Variants in PSMG2 observed in about 807,000 individuals in gnomAD.
PSMG2 encodes the protein CD40 ligand-activated specific transcript 3.
A neutral mutation model predicts 31.5 loss-of-function variants in PSMG2; 21 were observed. The observed-to-expected ratio is 0.67, with a 90% confidence interval of 0.47 to 0.96. The LOEUF is 0.96. PSMG2 is among the 40% of genes least tolerant of loss of function. The pLI, the probability that PSMG2 is intolerant of heterozygous loss-of-function variation, is 0.00. For synonymous variants in PSMG2, 120 were observed against 110.4 expected (o/e 1.09, Z -0.54); for missense variants, 318 against 321.2 (o/e 0.99, Z 0.08).
chr18:12,682,836 G>A (rs2039399084), intron 1 of PSMG2, among the ~76,000 whole-genome samples: 1 of 151,406 alleles, frequency 6.6e-6, no homozygotes, highest in Non-Finnish European at 1.5e-5. Context: ...TGGCCAGGTT[G>A]GTCTTGAACT....
intron 1 of PSMG2, chr18:12,695,220 A>C: frequency 1.0e-6 from 1 of 962,914 alleles, no homozygotes; most frequent in Non-Finnish European, 1.5e-6. Flanking sequence ...ATGAAAACAA[A>C]CACACAAAAA....
chr18:12,721,024 C>CA (rs1400093068), intron 5 of PSMG2, among the ~76,000 whole-genome samples: 7 of 151,880 alleles, frequency 4.6e-5, no homozygotes, highest in African/African-American at 1.7e-4. Flanking sequence ...ACTAAAAATA[C>CA]AAAAAATTAG....
intron 3 of PSMG2, among the ~76,000 whole-genome samples, chr18:12,717,710 T>A (rs546165562): frequency 1.3e-5 from 2 of 152,358 alleles, no homozygotes; most frequent in Non-Finnish European, 2.9e-5. Flanking sequence ...TTACATCTTT[T>A]TAGTTGTTAT....
rs537497534 is a variant in PSMG2 at position 12,710,232 on chromosome 18, A to G, written c.230-2470A>G. ...GCTGGGATTACAGGTGTGAGCCACC[A>G]CGCCCGCCCCTTTTAAAGCATCTGT... On this transcript the variant is annotated intron_variant, in intron 2 of 6. Transcript: ENST00000317615. Among the ~76,000 whole-genome samples the G allele has an allele frequency of 3.9e-5, 6 of 152,170 alleles. No homozygotes were observed. In the South Asian group the frequency reaches 1.2e-3, roughly 32 times the overall value.
chr18:12,668,871 G>A (rs558722689), intron 1 of PSMG2, among the ~76,000 whole-genome samples: 2 of 149,144 alleles, frequency 1.3e-5, no homozygotes, highest in African/African-American at 2.5e-5. Context: ...CTCCCAAGTA[G>A]CTGGGATTAC....
intron 1 of PSMG2, among the ~76,000 whole-genome samples, chr18:12,673,773 T>C (rs1383516086): frequency 1.3e-5 from 2 of 151,908 alleles, no homozygotes; most frequent in East Asian, 3.9e-4. Flanking sequence ...CCCAGCTACT[T>C]GGGAGGCTGA....
In PSMG2 at chr18:12,706,617, CT is replaced by C; in HGVS notation, c.126del (p.Lys43ArgfsTer31). 3.7e-6 allele frequency: 6 copies of C among 1,614,104 alleles called. No homozygotes were observed. Among genetic ancestry groups the C allele is most frequent in the Non-Finnish European group, 5.1e-6 (6 of 1,179,980 alleles). On this transcript the variant is annotated frameshift_variant, in exon 2 of 7. Coordinates refer to ENST00000317615, the MANE Select transcript of PSMG2 (RefSeq NM_020232.5). LOFTEE classifies it high-confidence loss of function. The stretch of plus-strand genomic sequence containing the variant: ...CTGATTATTTCTACACTGAATATGT[CT>C]AAGATTGGTTACTTCTATACCGATT... Reference protein sequence around the residue: ...MDLIISTLNMSKIGYFYTDCL... With the variant: ...MDLIISTLNMXKIGYFYTDCL...
chr18:12,662,179 T>G (rs762469129), intron 1 of PSMG2: 2 of 439,916 alleles, frequency 4.5e-6, no homozygotes, highest in Admixed American at 2.5e-5. Flanking sequence ...CCTAGAAAAG[T>G]GCACCAGAAA....
At position 12,714,002 on chromosome 18, in the gene PSMG2, T is replaced by A. The variant is rs148473747; in HGVS notation, c.288+1242T>A. Among the ~76,000 whole-genome samples, 275 of 152,224 alleles carry A rather than the reference T, an allele frequency of 1.8e-3. 1 individual carries two copies. The highest frequency in any genetic ancestry group is 6.4e-3 in the African/African-American group (266 of 41,562). On this transcript the variant is annotated intron_variant, in intron 3 of 6. Transcript: ENST00000317615. ...CTGCCCTCAAGTGATCCACCCACCT[T>A]GGCCTTTCAAATGCTGGGATTACAG...
At chr18:12,695,852 CCACACACACACACACACACACA>C (rs375916938) in intron 1 of PSMG2, among the ~76,000 whole-genome samples, 1 of 148,284 alleles carries the variant, frequency 6.7e-6, no homozygotes, top group Non-Finnish European at 1.5e-5. Flanking sequence ...CATTCCTTCT[CCACACACACACACACACACACA>C]CACACACACA....
At position 12,716,646 on chromosome 18, in the gene PSMG2, A is replaced by G. The variant is rs371762489; in HGVS notation, c.289-1871A>G. 2.6e-3 allele frequency among the ~76,000 whole-genome samples: 391 copies of G among 152,216 alleles called. 2 individuals are homozygous for G. The highest frequency in any genetic ancestry group is 0.016 in the South Asian group (79 of 4,826). ...CCTGACCTTGTGATCTGCCCGCCTC[A>G]GCCTCCCAAAGTGCTGGGATTACAG... On this transcript the variant is annotated intron_variant, in intron 3 of 6. Transcript: ENST00000317615.
At chr18:12,678,538 C>G in intron 1 of PSMG2, 2 of 721,980 alleles carry the variant, frequency 2.8e-6, no homozygotes, top group Non-Finnish European at 4.5e-6. Context: ...GCCATAACTA[C>G]TTCTCAGAAC....
At chr18:12,706,930 G>A (rs1316545899) in intron 2 of PSMG2, among the ~76,000 whole-genome samples, 2 of 151,816 alleles carry the variant, frequency 1.3e-5, no homozygotes, top group South Asian at 2.1e-4. Flanking sequence ...TACGAAGGTT[G>A]AGAATAAGAT....
chr18:12,696,275 C>A (rs1388952199), intron 1 of PSMG2, among the ~76,000 whole-genome samples: 1 of 152,134 alleles, frequency 6.6e-6, no homozygotes, highest in Non-Finnish European at 1.5e-5. Context: ...GAGGCCGAGG[C>A]GGGCAGATCA....
intron 3 of PSMG2, among the ~76,000 whole-genome samples, chr18:12,714,502 T>C (rs904726218): frequency 1.3e-5 from 2 of 151,848 alleles, no homozygotes; most frequent in African/African-American, 4.8e-5. Flanking sequence ...TTTTTTTTTT[T>C]TCCTTGAAAC....
At chr18:12,719,296 C>T (rs1021688313) in intron 4 of PSMG2, among the ~76,000 whole-genome samples, 4 of 152,200 alleles carry the variant, frequency 2.6e-5, no homozygotes, top group Admixed American at 2.0e-4. Context: ...AAATGTAAGA[C>T]AGAGTATCCC....
chr18:12,724,321 C>T, intron 5 of PSMG2, 178 bp from the exon 6 acceptor site: 1 of 569,910 alleles, frequency 1.8e-6, no homozygotes. Context: ...TTACAGGGGC[C>T]TGCTCTCACA....
Position 12,703,171 on chromosome 18 carries a change from C to G in PSMG2, c.57+7C>G, listed in dbSNP as rs750755768. 1.2e-6 allele frequency: 2 copies of G among 1,607,278 alleles called. No homozygotes were observed. The highest frequency in any genetic ancestry group is 2.2e-5 in the South Asian group (2 of 89,724). ...CGGCTTCACCCTCCTAATGGTGAGT[C>G]TCCATTTGCGCTCGGGGCTGCCGCC... On this transcript the variant is annotated splice_region_variant and intron_variant, in intron 1 of 6. Coordinates refer to ENST00000317615, the MANE Select transcript of PSMG2 (RefSeq NM_020232.5).
chr18:12,660,432 G>C (rs547988622), intron 1 of PSMG2, among the ~76,000 whole-genome samples: 2 of 150,922 alleles, frequency 1.3e-5, no homozygotes, highest in African/African-American at 4.9e-5. Flanking sequence ...GATGATTCTC[G>C]TGCCTCGGCC....
Sources: gnomAD v4.1 joint callset for allele counts (sites outside exome capture counted in the v4.1 genomes callset) on GRCh38, gnomAD v4.1.1 for gene constraint, MANE v1.5 for transcripts, NCBI Gene and HGNC (gene_info 2026-07-23, HGNC 2026-07-21) for gene names.